ZNF808: variants seen among roughly 807,000 people sequenced by gnomAD.
The protein encoded by ZNF808 is zinc finger protein 808.
A neutral mutation model predicts 8.7 loss-of-function variants in ZNF808; 5 were observed. The observed-to-expected ratio is 0.58, with a 90% CI of 0.30 to 1.21. ZNF808 has a LOEUF of 1.21. Among genes scored for constraint, ZNF808 ranks in the 50% most tolerant of loss-of-function variants. ZNF808 has a pLI of 0.07. For missense variants in ZNF808, 1,103 were observed against 1,098.4 expected (o/e 1.00, Z -0.06); for synonymous variants, 380 against 366.0 (o/e 1.04, Z -0.44).
chr19:52,539,679 G>A (rs1481079703), intron 2 of ZNF808, among the ~76,000 whole-genome samples: 5 of 149,042 alleles, frequency 3.4e-5, no homozygotes, highest in African/African-American at 1.2e-4. Flanking sequence ...TCAGCCTCCT[G>A]AGTAGTTATG....
At chr19:52,559,763 A>G (rs139535162), downstream of ZNF808, among the ~76,000 whole-genome samples, 55 of 152,056 alleles carry the variant, frequency 3.6e-4, no homozygotes, top group East Asian at 8.3e-3. Flanking sequence ...GTCTCCCTCT[A>G]TCACCCAGGA....
At chr19:52,528,819 G>A (rs1568475160) in intron 1 of ZNF808, among the ~76,000 whole-genome samples, 1 of 152,014 alleles carries the variant, frequency 6.6e-6, no homozygotes, top group Admixed American at 6.6e-5. Flanking sequence ...CGCAGAGATG[G>A]GTGAAGAGGC....
At chr19:52,535,128 A>G (rs113779050) in intron 2 of ZNF808, among the ~76,000 whole-genome samples, 1,541 of 151,220 alleles carry the variant, frequency 0.01, 13 homozygotes, top group East Asian at 0.022. Context: ...TCAGGAGATC[A>G]AGACCATCCT....
chr19:52,534,426 A>G (rs1331844842), intron 2 of ZNF808, among the ~76,000 whole-genome samples: 3 of 151,894 alleles, frequency 2.0e-5, no homozygotes, highest in Non-Finnish European at 2.9e-5. Context: ...TCTCTTTTCA[A>G]CCTCTTAGCT....
In ZNF808 at chr19:52,554,374, T is replaced by C. The variant is rs370517803; in HGVS notation, c.1458T>C (p.Asn486=). Residue 486 remains asparagine, a synonymous_variant, in exon 5 of 5, where the codon AAT becomes AAC. Coordinates refer to ENST00000359798, the MANE Select transcript of ZNF808 (RefSeq NM_001039886.4). ...CTGGAGAGAAAACTTACAAGTGTAA[T>C]GAGTGTCGCAAGACCTTCAGCCGCA... ...IHTGEKTYKC[N]ECRKTFSRRS... is the part of the protein sequence containing the mutation. The C allele has an allele frequency of 1.4e-4, 228 of 1,613,602 alleles. 1 individual carries two copies. The African/African-American group carries it at 2.8e-3, about 20-fold the overall frequency.
At chr19:52,531,654 G>C (rs554984095) in intron 1 of ZNF808, among the ~76,000 whole-genome samples, 1 of 152,074 alleles carries the variant, frequency 6.6e-6, no homozygotes, top group Non-Finnish European at 1.5e-5. Flanking sequence ...CAGGAAGTCT[G>C]CATCATATTT....
chr19:52,558,087 CTT>C (rs11410246), downstream of ZNF808, among the ~76,000 whole-genome samples: 4 of 44,282 alleles, frequency 9.0e-5, no homozygotes, highest in Admixed American at 3.2e-4. Flanking sequence ...TTCTTTCTTT[CTT>C]TTTTTTTTTT....
chr19:52,558,017 CTTTTTTTTTTTTTT>C (rs66789100), downstream of ZNF808, among the ~76,000 whole-genome samples: 1 of 46,364 alleles, frequency 2.2e-5, no homozygotes, highest in South Asian at 1.3e-3. Flanking sequence ...CTAGGTGTGG[CTTTTTTTTTTTTTT>C]TTTTTTTTTT....
At chr19:52,550,591 T>C (rs2059767196) in intron 4 of ZNF808, among the ~76,000 whole-genome samples, 1 of 151,796 alleles carries the variant, frequency 6.6e-6, no homozygotes, top group South Asian at 2.1e-4. Flanking sequence ...AATGGTGCAA[T>C]CTTGGCTCAC....
At chr19:52,563,050 A>G (rs756229338) in intron 3 of ZNF808, among the ~76,000 whole-genome samples, 1 of 152,078 alleles carries the variant, frequency 6.6e-6, no homozygotes, top group Non-Finnish European at 1.5e-5. Context: ...CTGGGATTAC[A>G]GGCCTGAACC....
chr19:52,536,355 G>A (rs1219383508), intron 2 of ZNF808, among the ~76,000 whole-genome samples: 3 of 152,084 alleles, frequency 2.0e-5, no homozygotes, highest in African/African-American at 7.2e-5. Context: ...GACCCGCGAG[G>A]TGGATTCCCG....
Position 52,554,688 on chromosome 19 carries a change from G to T in ZNF808, c.1772G>T (p.Gly591Val). Residue 591 changes from glycine (G) to valine (V), a missense_variant, in exon 5 of 5, where the codon GGA becomes GTA. Gly to Val is a moderately radical substitution (Grantham distance 109). Transcript: ENST00000359798. ...HLSRHRRLHT[G>V]EKPYKCEACD... The stretch of plus-strand genomic sequence containing the variant: ...TCACGTCATCGTAGACTTCATACTG[G>T]AGAGAAACCTTACAAATGTGAAGCA... The T allele has an allele frequency of 6.2e-7, 1 of 1,614,010 alleles. No individual in the cohort carries two copies. The highest frequency in any genetic ancestry group is 1.7e-4 in the Middle Eastern group (1 of 6,058).
intron 2 of ZNF808, among the ~76,000 whole-genome samples, chr19:52,535,237 A>G (rs2059594337): frequency 6.9e-6 from 1 of 144,158 alleles, no homozygotes; most frequent in African/African-American, 2.6e-5. Flanking sequence ...AGGCTGAGGC[A>G]GGAGAATTGC....
chr19:52,566,635 A>G (rs763086908), downstream of ZNF808, among the ~76,000 whole-genome samples: 25 of 152,302 alleles, frequency 1.6e-4, no homozygotes, highest in Middle Eastern at 3.4e-3. Flanking sequence ...TGTCAGATAC[A>G]TTACAAAAGG....
intron 1 of ZNF808, among the ~76,000 whole-genome samples, chr19:52,532,229 CA>C (rs1033088320): frequency 9.2e-5 from 14 of 151,754 alleles, no homozygotes; most frequent in Middle Eastern, 6.8e-3. Context: ...GTTGTATTAA[CA>C]TTTTTTTTTT....
At chr19:52,538,691 G>A (rs1158235563) in intron 2 of ZNF808, among the ~76,000 whole-genome samples, 1 of 150,350 alleles carries the variant, frequency 6.7e-6, no homozygotes, top group Non-Finnish European at 1.5e-5. Context: ...GAAGCCCAGG[G>A]GGAAATGCAG....
intron 2 of ZNF808, among the ~76,000 whole-genome samples, chr19:52,534,616 A>G (rs1233672860): frequency 5.9e-5 from 9 of 152,084 alleles, no homozygotes; most frequent in African/African-American, 1.9e-4. Context: ...TGGGCCAGGC[A>G]TGGTGACTCA....
chr19:52,544,060 G>A (rs2059698196), intron 3 of ZNF808, among the ~76,000 whole-genome samples: 1 of 152,166 alleles, frequency 6.6e-6, no homozygotes, highest in African/African-American at 2.4e-5. Context: ...TCAGGAGGCT[G>A]AGGTAGGAGA....
At chr19:52,550,531 A>AT (rs35082576) in intron 4 of ZNF808, among the ~76,000 whole-genome samples, 2,049 of 142,362 alleles carry the variant, frequency 0.014, 30 homozygotes, top group African/African-American at 0.045. Flanking sequence ...TGTCCGGGCT[A>AT]TTTTTTTTTT....
Sources: gnomAD v4.1 joint callset for allele counts (sites outside exome capture counted in the v4.1 genomes callset) on GRCh38, gnomAD v4.1.1 for gene constraint, MANE v1.5 for transcripts, NCBI Gene and HGNC (gene_info 2026-07-23, HGNC 2026-07-21) for gene names.